INSL6: variants seen among roughly 807,000 people sequenced by gnomAD.
INSL6 encodes the protein insulin like 6.
Under a neutral mutation model 9.4 loss-of-function variants are expected in INSL6, and 16 were observed. The ratio of observed to expected loss-of-function variants is 1.70; its 90% CI spans 1.15 to 2.59. INSL6 has a LOEUF of 2.59. INSL6 is among the 30% of genes most tolerant of loss of function. INSL6 has a pLI of 0.00. For missense variants in INSL6, 391 were observed against 257.3 expected, an observed-to-expected ratio of 1.52 and a Z score of -3.56; for synonymous variants, 154 against 96.9, an observed-to-expected ratio of 1.59 and a Z score of -3.46.
the INSL6 span, among the ~76,000 whole-genome samples, chr9:5,039,321 CTT>C: frequency 6.6e-6 from 1 of 152,080 alleles, no homozygotes; most frequent in Non-Finnish European, 1.5e-5. Context: ...CATGTACAGA[CTT>C]TTTCTTGTCA....
At chr9:5,091,420 G>A in the INSL6 span, 4 of 152,524 alleles carry the variant, frequency 2.6e-5, no homozygotes, top group African/African-American at 9.7e-5. Context: ...AGTTGAATAT[G>A]ATGGGGTGGT....
the INSL6 span, among the ~76,000 whole-genome samples, chr9:5,049,277 C>T: frequency 6.6e-6 from 1 of 152,180 alleles, no homozygotes; most frequent in Non-Finnish European, 1.5e-5. Flanking sequence ...TCCATAGTTT[C>T]TAGGATCAGG....
chr9:5,123,833 T>C (rs773473917), downstream of INSL6, among the ~76,000 whole-genome samples: 3 of 151,110 alleles, frequency 2.0e-5, no homozygotes, highest in Admixed American at 6.6e-5. Flanking sequence ...CTCTCTCTCA[T>C]TTTTTTTTCC....
chr9:5,037,219 G>T, the INSL6 span, among the ~76,000 whole-genome samples: 1 of 152,258 alleles, frequency 6.6e-6, no homozygotes, highest in East Asian at 1.9e-4. Context: ...AGGTGCTGGA[G>T]AGGATGTGGA....
intron 1 of INSL6, among the ~76,000 whole-genome samples, chr9:5,178,805 G>C (rs1219724326): frequency 6.6e-6 from 1 of 152,130 alleles, no homozygotes; most frequent in Non-Finnish European, 1.5e-5. Flanking sequence ...GAATTGGCTA[G>C]CTGTAGGCTC....
chr9:5,023,562 T>C, the INSL6 span, among the ~76,000 whole-genome samples: 10 of 152,208 alleles, frequency 6.6e-5, no homozygotes, highest in Non-Finnish European at 1.3e-4. Flanking sequence ...TGACTAAAAT[T>C]CCAGGGGTTC....
chr9:5,149,630 C>A (rs1284702640), intron 2 of INSL6, among the ~76,000 whole-genome samples: 1 of 152,022 alleles, frequency 6.6e-6, no homozygotes, highest in Admixed American at 6.6e-5. Flanking sequence ...TGCTCATGGA[C>A]TGAAATATCT....
At chr9:5,181,109 G>A (rs762724551) in intron 1 of INSL6, among the ~76,000 whole-genome samples, 4 of 152,128 alleles carry the variant, frequency 2.6e-5, no homozygotes, top group Non-Finnish European at 5.9e-5. Flanking sequence ...AATATTGGGG[G>A]CGGGTTCCCC....
At chr9:5,110,852 C>T in the INSL6 span, 1 of 478,422 alleles carries the variant, frequency 2.1e-6, no homozygotes, top group South Asian at 1.8e-5. Context: ...GGGGGGGACG[C>T]TTCATGCCGC....
the INSL6 span, among the ~76,000 whole-genome samples, chr9:4,999,676 G>A: frequency 6.6e-6 from 1 of 152,118 alleles, no homozygotes; most frequent in Non-Finnish European, 1.5e-5. Flanking sequence ...AGGGCAGGAA[G>A]CGTCTTGGCT....
the INSL6 span, among the ~76,000 whole-genome samples, chr9:4,997,055 A>G: frequency 4.7e-5 from 7 of 149,270 alleles, no homozygotes; most frequent in Non-Finnish European, 1.0e-4. Context: ...CAGCCTCCTG[A>G]GTAGCTGGCA....
chr9:5,076,971 G>A, the INSL6 span, among the ~76,000 whole-genome samples: 5 of 151,802 alleles, frequency 3.3e-5, no homozygotes, highest in African/African-American at 9.7e-5. Context: ...ATAAAGCAGC[G>A]CAAAACATTT....
At chr9:5,007,442 T>A in the INSL6 span, among the ~76,000 whole-genome samples, 1 of 152,118 alleles carries the variant, frequency 6.6e-6, no homozygotes, top group East Asian at 1.9e-4. Flanking sequence ...CATAAGAGAT[T>A]TTTAATTTAG....
At chr9:5,021,538 G>A in the INSL6 span, among the ~76,000 whole-genome samples, 1 of 152,324 alleles carries the variant, frequency 6.6e-6, no homozygotes, top group Middle Eastern at 3.4e-3. Context: ...TCCAGTTAAT[G>A]GATTTGACAG....
chr9:5,165,314 C>G (rs1157867764), intron 1 of INSL6, among the ~76,000 whole-genome samples: 1 of 152,194 alleles, frequency 6.6e-6, no homozygotes, highest in Non-Finnish European at 1.5e-5. Flanking sequence ...GGATGGAACA[C>G]TGCATGATAT....
chr9:5,124,317 T>A (rs906420002), exon 4 of INSL6, among the ~76,000 whole-genome samples: 5 of 151,870 alleles, frequency 3.3e-5, no homozygotes, highest in African/African-American at 1.2e-4. Context: ...TCTCTAGGTT[T>A]TTTTTCTAGT....
chr9:5,012,005 C>G, the INSL6 span, among the ~76,000 whole-genome samples: 1 of 152,216 alleles, frequency 6.6e-6, no homozygotes, highest in Non-Finnish European at 1.5e-5. Context: ...CCAGTTCTTT[C>G]AGATTTCTAG....
At chr9:5,081,160 G>A in the INSL6 span, among the ~76,000 whole-genome samples, 1 of 151,852 alleles carries the variant, frequency 6.6e-6, no homozygotes. Flanking sequence ...CTCCCAAAGT[G>A]CTGGGATTAC....
intron 2 of INSL6, among the ~76,000 whole-genome samples, chr9:5,148,725 G>C (rs1824650991): frequency 6.6e-6 from 1 of 152,146 alleles, no homozygotes; most frequent in Non-Finnish European, 1.5e-5. Flanking sequence ...TGCAGCCCTG[G>C]GGCACCAGGA....
Sources: allele counts gnomAD v4.1 joint callset (sites outside exome capture counted in the v4.1 genomes callset), GRCh38; gene constraint gnomAD v4.1.1; transcripts MANE v1.5; gene names NCBI Gene and HGNC (gene_info 2026-07-23, HGNC 2026-07-21).